NAV3: variants seen among roughly 807,000 people sequenced by gnomAD.
The protein encoded by NAV3 is pore membrane and/or filament interacting like protein 1.
Under a neutral mutation model 244.7 loss-of-function variants are expected in NAV3, and 87 were observed. That is an observed-to-expected ratio of 0.36 (90% confidence interval 0.30 to 0.42). The LOEUF is 0.42. Ranked by LOEUF, NAV3 falls within the 20% of genes least tolerant of loss-of-function variation. NAV3 has a pLI of 1.00. For missense variants in NAV3, 2,663 were observed against 2,893.3 expected, an observed-to-expected ratio of 0.92 and a Z score of 1.83; for synonymous variants, 1,126 against 1,042.2, an observed-to-expected ratio of 1.08 and a Z score of -1.55.
At chr12:78,072,317 G>A (rs1428677625) in intron 12 of NAV3, among the ~76,000 whole-genome samples, 2 of 135,528 alleles carry the variant, frequency 1.5e-5, no homozygotes, top group African/African-American at 5.6e-5. Flanking sequence ...AAAGAGAGAA[G>A]AATCAAATAG....
intron 2 of NAV3, among the ~76,000 whole-genome samples, chr12:77,822,180 T>A (rs1433861881): frequency 6.6e-6 from 1 of 152,188 alleles, no homozygotes; most frequent in Non-Finnish European, 1.5e-5. Flanking sequence ...CAGTAGCATG[T>A]TGTAAAGAAG....
intron 3 of NAV3, among the ~76,000 whole-genome samples, chr12:77,962,870 T>C (rs1311033318): frequency 6.6e-6 from 1 of 152,152 alleles, no homozygotes; most frequent in Non-Finnish European, 1.5e-5. Context: ...CCATTATAAT[T>C]ATGTATGTGC....
intron 1 of NAV3, among the ~76,000 whole-genome samples, chr12:77,882,461 C>G (rs1342720565): frequency 1.3e-5 from 2 of 152,054 alleles, no homozygotes; most frequent in Non-Finnish European, 2.9e-5. Flanking sequence ...AATGTAAGGC[C>G]TTAAACTATA....
upstream of NAV3, among the ~76,000 whole-genome samples, chr12:77,830,667 G>T (rs990456222): frequency 5.3e-5 from 8 of 152,176 alleles, no homozygotes; most frequent in Non-Finnish European, 1.2e-4. Flanking sequence ...CATGATTTTA[G>T]CCTGATTTCA....
chr12:78,056,804 A>T (rs1377040228), intron 11 of NAV3, among the ~76,000 whole-genome samples: 1 of 152,234 alleles, frequency 6.6e-6, no homozygotes, highest in Non-Finnish European at 1.5e-5. Flanking sequence ...AATGTTTAAA[A>T]ATATGTTTTA....
chr12:77,702,973 A>G (rs1372475994), intron 2 of NAV3, among the ~76,000 whole-genome samples: 1 of 151,808 alleles, frequency 6.6e-6, no homozygotes, highest in South Asian at 2.1e-4. Context: ...CTGCTGACCA[A>G]TTGCCTCCAT....
At chr12:77,928,718 A>G (rs1285760532) in intron 1 of NAV3, among the ~76,000 whole-genome samples, 2 of 152,192 alleles carry the variant, frequency 1.3e-5, no homozygotes, top group African/African-American at 2.4e-5. Flanking sequence ...TTCTTTTCCT[A>G]TCAACTTACC....
At chr12:77,816,907 G>A (rs979990755) in intron 2 of NAV3, among the ~76,000 whole-genome samples, 10 of 152,114 alleles carry the variant, frequency 6.6e-5, no homozygotes, top group South Asian at 2.1e-4. Context: ...AAAGCTTGCC[G>A]TTCAGAGAGA....
intron 9 of NAV3, among the ~76,000 whole-genome samples, chr12:78,029,630 A>C (rs1183489726): frequency 1.3e-5 from 2 of 152,182 alleles, no homozygotes; most frequent in Non-Finnish European, 2.9e-5. Context: ...TCACCTAAAA[A>C]AAAAATACAG....
chr12:78,035,425 T>C (rs1879692613), intron 9 of NAV3, among the ~76,000 whole-genome samples: 1 of 152,204 alleles, frequency 6.6e-6, no homozygotes, highest in African/African-American at 2.4e-5. Context: ...ATTTGTTTTT[T>C]AAAGTTGTCC....
chr12:77,886,466 G>A (rs1242297), intron 1 of NAV3, among the ~76,000 whole-genome samples: 41,263 of 152,026 alleles, frequency 0.27, 5,714 homozygotes, highest in Middle Eastern at 0.35. Flanking sequence ...GGGCTATCTT[G>A]TCTTCATATA....
chr12:77,968,815 G>C lies in NAV3; in HGVS notation c.671+113G>C, dbSNP rs1472162880. On this transcript the variant is annotated intron_variant, in intron 5 of 39. Coordinates refer to ENST00000397909, the MANE Select transcript of NAV3 (RefSeq NM_001024383.2). ...AACGTACTCATGTGCTTGTATCAGT[G>C]TGATGGGATTATTTGACTTGTGTAA... 4 of 1,005,840 alleles carry C rather than the reference G, an allele frequency of 4.0e-6. No individual in the cohort carries two copies. The East Asian group carries it at 1.1e-4, about 27-fold the overall frequency. The allele number at this position is 1,005,840 out of a possible 1,614,324, so 62.3% of individuals were successfully genotyped here.
At chr12:77,671,402 G>GA (rs1873966378) in intron 2 of NAV3, among the ~76,000 whole-genome samples, 1 of 151,924 alleles carries the variant, frequency 6.6e-6, no homozygotes, top group Non-Finnish European at 1.5e-5. Flanking sequence ...TAAGAAACTA[G>GA]AAAAAAATGA....
At chr12:77,662,498 G>A (rs559959596) in intron 2 of NAV3, among the ~76,000 whole-genome samples, 1 of 149,716 alleles carries the variant, frequency 6.7e-6, no homozygotes, top group Non-Finnish European at 1.5e-5. Flanking sequence ...AATCCCATAG[G>A]ACTAAAAAAA....
intron 9 of NAV3, among the ~76,000 whole-genome samples, chr12:78,032,199 T>C (rs909743296): frequency 6.6e-6 from 1 of 152,200 alleles, no homozygotes; most frequent in Non-Finnish European, 1.5e-5. Context: ...GTATGACATG[T>C]AAAGATTTGC....
At chr12:77,611,848 CA>C (rs1250868204) in intron 2 of NAV3, among the ~76,000 whole-genome samples, 2 of 151,890 alleles carry the variant, frequency 1.3e-5, no homozygotes, top group Non-Finnish European at 2.9e-5. Flanking sequence ...GAAAAGGGAC[CA>C]AGCTTCTCTT....
intron 2 of NAV3, among the ~76,000 whole-genome samples, chr12:77,590,227 G>T (rs2136713570): frequency 6.6e-6 from 1 of 152,298 alleles, no homozygotes; most frequent in African/African-American, 2.4e-5. Context: ...GACAGAACTT[G>T]GATGGGTGGA....
intron 2 of NAV3, among the ~76,000 whole-genome samples, chr12:77,739,555 C>T (rs1310356498): frequency 6.6e-6 from 1 of 151,958 alleles, no homozygotes; most frequent in African/African-American, 2.4e-5. Context: ...TATCAGATAA[C>T]AAGAAAACAG....
At chr12:77,719,705 G>T (rs1020679812) in intron 2 of NAV3, among the ~76,000 whole-genome samples, 3 of 152,064 alleles carry the variant, frequency 2.0e-5, no homozygotes, top group African/African-American at 7.2e-5. Flanking sequence ...CTAGCATTTT[G>T]TTGAGGATTT....
Sources: allele counts gnomAD v4.1 joint callset (sites outside exome capture counted in the v4.1 genomes callset), GRCh38; gene constraint gnomAD v4.1.1; transcripts MANE v1.5; gene names NCBI Gene and HGNC (gene_info 2026-07-23, HGNC 2026-07-21).